Variants in OR14A2 observed in about 807,000 individuals in gnomAD.
OR14A2 encodes the protein olfactory receptor family 14 subfamily A member 2, also known as olfactory receptor 14A2.
For missense variants in OR14A2, 237 were observed against 152.9 expected (o/e 1.55, Z -2.90); for synonymous variants, 114 against 58.6 (o/e 1.95, Z -4.32).
At chr1:247,743,257 C>T in the OR14A2 span, among the ~76,000 whole-genome samples, 16 of 152,068 alleles carry the variant, frequency 1.1e-4, no homozygotes, top group Non-Finnish European at 2.1e-4. Context: ...CCATGGCACT[C>T]CTCTCTGGAG....
At chr1:247,737,184 G>A in the OR14A2 span, among the ~76,000 whole-genome samples, 2 of 152,016 alleles carry the variant, frequency 1.3e-5, no homozygotes, top group African/African-American at 2.4e-5. Context: ...TTAGAGGTAC[G>A]ACTGCTCATC....
chr1:247,738,243 C>T, the OR14A2 span, among the ~76,000 whole-genome samples: 5 of 152,026 alleles, frequency 3.3e-5, no homozygotes, highest in South Asian at 2.1e-4. Context: ...CTACATTAAC[C>T]GGGATATTTA....
chr1:247,741,079 A>T, the OR14A2 span, among the ~76,000 whole-genome samples: 6 of 152,178 alleles, frequency 3.9e-5, no homozygotes, highest in Non-Finnish European at 8.8e-5. Context: ...TCTAGCTTAG[A>T]TTTTTAGAGT....
At chr1:247,740,808 G>C in the OR14A2 span, among the ~76,000 whole-genome samples, 1 of 152,180 alleles carries the variant, frequency 6.6e-6, no homozygotes, top group Admixed American at 6.5e-5. Context: ...CACTGTATCA[G>C]ACACTTTTGT....
the OR14A2 span, among the ~76,000 whole-genome samples, chr1:247,730,201 C>T: frequency 6.6e-6 from 1 of 152,034 alleles, no homozygotes; most frequent in African/African-American, 2.4e-5. Flanking sequence ...TTGGCCCTCA[C>T]GTAGTTTACT....
the OR14A2 span, among the ~76,000 whole-genome samples, chr1:247,729,901 G>A: frequency 2.0e-3 from 305 of 152,052 alleles, no homozygotes; most frequent in Middle Eastern, 3.4e-3. Context: ...TATAGCATAC[G>A]AAGTATACTC....
the OR14A2 span, among the ~76,000 whole-genome samples, chr1:247,742,646 A>G: frequency 6.6e-6 from 1 of 152,234 alleles, no homozygotes; most frequent in South Asian, 2.1e-4. Context: ...GGGCTATATG[A>G]CAGAGGATAA....
chr1:247,725,562 G>C (rs1399619582), upstream of OR14A2, among the ~76,000 whole-genome samples: 1 of 145,386 alleles, frequency 6.9e-6, no homozygotes, highest in Non-Finnish European at 1.5e-5. Flanking sequence ...TTAAGTTTTA[G>C]GGTACATGTG....
At chr1:247,739,679 A>G in the OR14A2 span, 1 of 604,428 alleles carries the variant, frequency 1.7e-6, no homozygotes, top group East Asian at 2.8e-5. Flanking sequence ...TGATAATCTC[A>G]AGCAGTCAGT....
chr1:247,733,367 A>C, the OR14A2 span, among the ~76,000 whole-genome samples: 1 of 152,216 alleles, frequency 6.6e-6, no homozygotes, highest in African/African-American at 2.4e-5. Flanking sequence ...GTAACCTCTT[A>C]AACTGATAAA....
the OR14A2 span, among the ~76,000 whole-genome samples, chr1:247,735,756 A>G: frequency 6.6e-6 from 1 of 152,190 alleles, no homozygotes; most frequent in Non-Finnish European, 1.5e-5. Flanking sequence ...AGAAATGGTC[A>G]ATCAAAATCG....
chr1:247,729,363 C>G, the OR14A2 span, among the ~76,000 whole-genome samples: 10 of 152,142 alleles, frequency 6.6e-5, no homozygotes, highest in African/African-American at 2.4e-4. Flanking sequence ...CTTAATTCTA[C>G]TTATCATAGA....
At chr1:247,723,181 T>C (rs1660241098) in exon 1 of OR14A2, 1 of 717,742 alleles carries the variant, frequency 1.4e-6, no homozygotes, top group East Asian at 2.7e-5. Flanking sequence ...CCGCAGGCTG[T>C]AGGTTACAGG....
chr1:247,736,866 T>G, the OR14A2 span, among the ~76,000 whole-genome samples: 1 of 152,316 alleles, frequency 6.6e-6, no homozygotes, highest in African/African-American at 2.4e-5. Context: ...GCTCTAAAGC[T>G]AGGGCCAGTG....
chr1:247,747,570 G>T, the OR14A2 span, among the ~76,000 whole-genome samples: 1 of 151,962 alleles, frequency 6.6e-6, no homozygotes, highest in South Asian at 2.1e-4. Context: ...CGCCGTGTTA[G>T]CCAGGATGGT....
chr1:247,729,365 T>G, the OR14A2 span, among the ~76,000 whole-genome samples: 2 of 152,074 alleles, frequency 1.3e-5, no homozygotes, highest in Non-Finnish European at 1.5e-5. Context: ...TAATTCTACT[T>G]ATCATAGAGT....
chr1:247,726,248 A>C (rs1180206757), upstream of OR14A2, among the ~76,000 whole-genome samples: 2 of 124,378 alleles, frequency 1.6e-5, no homozygotes, highest in Non-Finnish European at 3.2e-5. Context: ...ATGGTATCTC[A>C]TAGTGGTTTT....
the OR14A2 span, chr1:247,739,457 A>G: frequency 3.8e-6 from 3 of 780,796 alleles, no homozygotes; most frequent in South Asian, 4.0e-5. Flanking sequence ...TCGCACCTCC[A>G]ACCTTGAACC....
At chr1:247,740,286 A>G in the OR14A2 span, among the ~76,000 whole-genome samples, 1 of 152,050 alleles carries the variant, frequency 6.6e-6, no homozygotes, top group African/African-American at 2.4e-5. Context: ...TATCGATTCA[A>G]CGTTCTTTAT....
Sources: gnomAD v4.1 joint callset for allele counts (sites outside exome capture counted in the v4.1 genomes callset) on GRCh38, gnomAD v4.1.1 for gene constraint, MANE v1.5 for transcripts, NCBI Gene and HGNC (gene_info 2026-07-23, HGNC 2026-07-21) for gene names.